MYLK3: variants seen among roughly 807,000 people sequenced by gnomAD.
The protein encoded by MYLK3 is myosin light chain kinase 3, also known as MLC kinase.
In MYLK3, 55 loss-of-function variants were observed where a neutral mutation model predicts 76.3. The ratio of observed to expected loss-of-function variants is 0.72; its 90% confidence interval spans 0.58 to 0.90. The LOEUF is 0.90. Ranked by LOEUF, MYLK3 falls within the 40% of genes least tolerant of loss-of-function variation. The pLI is 0.00. For synonymous variants in MYLK3, 416 were observed against 425.4 expected, an observed-to-expected ratio of 0.98 and a Z score of 0.27; for missense variants, 973 against 1,053.6, an observed-to-expected ratio of 0.92 and a Z score of 1.06.
chr16:46,748,354 A>G, upstream of MYLK3: 1 of 1,325,110 alleles, frequency 7.5e-7, no homozygotes, highest in African/African-American at 1.5e-5. The surrounding 1 kb of genome is among the most constrained non-coding windows in gnomAD (Gnocchi z 4.3). Flanking sequence ...TGAGGAGCGC[A>G]GAGGCCCAGG....
intron 1 of MYLK3, among the ~76,000 whole-genome samples, chr16:46,755,319 ATGG>A (rs1967183800): frequency 6.6e-6 from 1 of 152,022 alleles, no homozygotes; most frequent in Non-Finnish European, 1.5e-5. Context: ...TTAACTGGGC[ATGG>A]TGGTGGGTGC....
At chr16:46,758,304 A>ACTCT (rs3044832) in intron 1 of MYLK3, among the ~76,000 whole-genome samples, 22 of 87,306 alleles carry the variant, frequency 2.5e-4, no homozygotes, top group African/African-American at 8.9e-4. Flanking sequence ...ACACACACAC[A>ACTCT]CTCTCTCTCT....
chr16:46,748,071 GT>G lies in MYLK3; in HGVS notation c.122del (p.His41ProfsTer57), dbSNP rs1967061814. On this transcript the variant is annotated frameshift_variant, in exon 1 of 13. Transcript: ENST00000394809. LOFTEE classifies it high-confidence loss of function. This position sits in a 1 kb window ranked among gnomAD's most constrained non-coding sequence, Gnocchi z 4.3. ...MLNEKVDQLL[H>X]FQEDVTEKLQ... is the part of the protein sequence containing the mutation. Reference sequence around the variant, plus strand: ...ACTTCTCTGTGACATCTTCTTGGAAGTGCAGGAGCTGGTCCACCTTCTCGTT... The same window carrying G: ...ACTTCTCTGTGACATCTTCTTGGAAGGCAGGAGCTGGTCCACCTTCTCGTT... 1 of 1,614,152 alleles carries G rather than the reference GT, an allele frequency of 6.2e-7. No homozygotes were observed. The highest frequency in any genetic ancestry group is 1.3e-5 in the African/African-American group (1 of 74,962).
chr16:46,731,690 T>G (rs2143015001), intron 4 of MYLK3, among the ~76,000 whole-genome samples: 1 of 152,254 alleles, frequency 6.6e-6, no homozygotes, highest in African/African-American at 2.4e-5. Context: ...TGGCTGACAG[T>G]GGTCACAGAC....
intron 3 of MYLK3, among the ~76,000 whole-genome samples, chr16:46,734,241 G>T (rs1032959301): frequency 6.6e-6 from 1 of 152,196 alleles, no homozygotes; most frequent in African/African-American, 2.4e-5. Flanking sequence ...CCTTAAAGAG[G>T]AGGGACGTTC....
chr16:46,723,612 T>C (rs182870461), intron 8 of MYLK3, among the ~76,000 whole-genome samples: 18 of 151,946 alleles, frequency 1.2e-4, no homozygotes, highest in Non-Finnish European at 2.4e-4. Flanking sequence ...CCACCAGCAA[T>C]GTATGAGGGT....
At chr16:46,711,802 A>C (rs901795671) in intron 10 of MYLK3, 9 of 270,970 alleles carry the variant, frequency 3.3e-5, no homozygotes, top group African/African-American at 2.0e-4. Flanking sequence ...ACTGGTAAGA[A>C]TTAGTGTATA....
intron 1 of MYLK3, among the ~76,000 whole-genome samples, chr16:46,759,997 T>C (rs952690606): frequency 1.3e-5 from 2 of 152,242 alleles, no homozygotes; most frequent in Non-Finnish European, 2.9e-5. Context: ...ACTTTTTCTA[T>C]GAGGGGCTAC....
intron 9 of MYLK3, among the ~76,000 whole-genome samples, chr16:46,717,486 G>A (rs191294318): frequency 1.3e-5 from 2 of 152,144 alleles, no homozygotes; most frequent in East Asian, 1.9e-4. Flanking sequence ...TGTGAGCCTC[G>A]CATTCAGGAT....
At chr16:46,759,114 G>T (rs1030725476) in intron 1 of MYLK3, among the ~76,000 whole-genome samples, 1 of 152,176 alleles carries the variant, frequency 6.6e-6, no homozygotes, top group Non-Finnish European at 1.5e-5. Context: ...CTGGTGAGGG[G>T]GTGTCCCCAC....
intron 7 of MYLK3, among the ~76,000 whole-genome samples, chr16:46,727,749 A>G (rs1224379894): frequency 2.0e-5 from 3 of 151,840 alleles, no homozygotes; most frequent in Non-Finnish European, 4.4e-5. Flanking sequence ...CTTGTCTCGA[A>G]CTCCTGACCT....
At chr16:46,739,233 T>C (rs532406377) in intron 2 of MYLK3, among the ~76,000 whole-genome samples, 7 of 152,302 alleles carry the variant, frequency 4.6e-5, no homozygotes, top group African/African-American at 1.7e-4. Context: ...ATGATACTCC[T>C]GCCTTGGCCT....
At chr16:46,718,781 C>A (rs1259467632) in intron 9 of MYLK3, among the ~76,000 whole-genome samples, 2 of 151,042 alleles carry the variant, frequency 1.3e-5, no homozygotes, top group Non-Finnish European at 2.9e-5. Flanking sequence ...GCCTGGCCAA[C>A]ATGGTGAAAC....
rs1040983183 is a variant in MYLK3, at chr16:46,702,878, G to A, written c.*4826C>T. On this transcript the variant is annotated 3_prime_UTR_variant, in exon 13 of 13. Coordinates refer to ENST00000394809, the MANE Select transcript of MYLK3 (RefSeq NM_182493.3). ...GGATGTTGCAGTAAGCCAAGATTGC[G>A]CCACTGCACTCCAGCCTGGCAACAG... 4.7e-5 allele frequency among the ~76,000 whole-genome samples: 7 copies of A among 147,476 alleles called. No individual in the cohort carries two copies. Among genetic ancestry groups the A allele is most frequent in the African/African-American group, 1.5e-4 (6 of 39,722 alleles).
intron 4 of MYLK3, among the ~76,000 whole-genome samples, chr16:46,730,994 G>A (rs1966851523): frequency 6.6e-6 from 1 of 152,238 alleles, no homozygotes; most frequent in East Asian, 1.9e-4. Context: ...TAGTGGATCT[G>A]TGTGGCCCAC....
intron 10 of MYLK3, chr16:46,711,497 G>C: frequency 4.5e-6 from 1 of 219,912 alleles, no homozygotes; most frequent in South Asian, 4.5e-5. Context: ...GTGCACTCCA[G>C]CCTCATTTGG....
At chr16:46,749,900 C>A (rs1419629495), upstream of MYLK3, among the ~76,000 whole-genome samples, 3 of 152,230 alleles carry the variant, frequency 2.0e-5, no homozygotes, top group African/African-American at 7.2e-5. Flanking sequence ...GAAATCCAAA[C>A]CCATTCCTGA....
intron 5 of MYLK3, 105 bp downstream of exon 5, chr16:46,730,488 G>A (rs114514148): frequency 1.8e-5 from 16 of 912,012 alleles, no homozygotes; most frequent in African/African-American, 8.1e-5. Context: ...CCATCAGCTC[G>A]AGAGAGAGTC....
rs1484522102 is a variant in MYLK3 at position 46,702,718 on chromosome 16, G to A, written c.*4986C>T. On this transcript the variant is annotated 3_prime_UTR_variant, in exon 13 of 13. Coordinates refer to ENST00000394809, the MANE Select transcript of MYLK3 (RefSeq NM_182493.3). ...GGGCAGATCACGAGGTCAAGAGATCGAGACCATCCTGGCCAGCATGGTGAA... is the reference window on the plus strand; with the variant it reads ...GGGCAGATCACGAGGTCAAGAGATCAAGACCATCCTGGCCAGCATGGTGAA... Among the ~76,000 whole-genome samples, 2 of 152,048 alleles carry A rather than the reference G, an allele frequency of 1.3e-5. No individual in the cohort carries two copies. The highest frequency in any genetic ancestry group is 2.9e-5 in the Non-Finnish European group (2 of 68,016).
Sources: allele counts gnomAD v4.1 joint callset (sites outside exome capture counted in the v4.1 genomes callset), GRCh38; gene constraint gnomAD v4.1.1; non-coding constraint Gnocchi (gnomAD v3.1); transcripts MANE v1.5; gene names NCBI Gene and HGNC (gene_info 2026-07-23, HGNC 2026-07-21).